PRKG1: variants seen among roughly 807,000 people sequenced by gnomAD.
PRKG1 encodes the protein cGMP-dependent protein kinase 1.
In PRKG1, 35 loss-of-function variants were observed where a neutral mutation model predicts 88.1. That is an observed-to-expected ratio of 0.40 (90% CI 0.30 to 0.53). PRKG1 has a LOEUF of 0.53. Ranked by LOEUF, PRKG1 falls within the 20% of genes least tolerant of loss-of-function variation. The probability of loss-of-function intolerance (pLI) is 0.59; values close to 1 mark genes in which losing one functional copy is unlikely to be tolerated. For synonymous variants in PRKG1, 303 were observed against 292.5 expected, an observed-to-expected ratio of 1.04 and a Z score of -0.37; for missense variants, 540 against 839.8, an observed-to-expected ratio of 0.64 and a Z score of 4.41.
rs1424581747 is a variant in PRKG1 at position 52,294,804 on chromosome 10, T to C, written c.*904T>C. ...ATTCCCTTTTATAAAAATAAATGCT[T>C]GGGGTAGGGTGGAGTGGGGAGGGAT... On this transcript the variant is annotated 3_prime_UTR_variant, in exon 18 of 18. Transcript: ENST00000373980. 5 of 152,438 alleles carry C rather than the reference T, an allele frequency of 3.3e-5. No individual in the cohort carries two copies. Among genetic ancestry groups the C allele is most frequent in the Non-Finnish European group, 7.4e-5 (5 of 67,976 alleles). The allele number at this position is 152,438 out of a possible 1,614,324, so 9.4% of individuals were successfully genotyped here.
At chr10:51,529,534 T>A (rs1841963375) in intron 3 of PRKG1, among the ~76,000 whole-genome samples, 2 of 152,160 alleles carry the variant, frequency 1.3e-5, no homozygotes, top group Admixed American at 6.5e-5. Flanking sequence ...TTCCAATCCT[T>A]GGTAATATAC....
intron 5 of PRKG1, among the ~76,000 whole-genome samples, chr10:52,051,051 C>CTGTTTTG (rs1564447831): frequency 1.3e-5 from 2 of 152,158 alleles, no homozygotes; most frequent in African/African-American, 2.4e-5. Flanking sequence ...TACAGGACAT[C>CTGTTTTG]TCCCTACAAT....
At chr10:51,311,133 C>T (rs1295122486) in intron 2 of PRKG1, among the ~76,000 whole-genome samples, 1 of 152,140 alleles carries the variant, frequency 6.6e-6, no homozygotes, top group Non-Finnish European at 1.5e-5. Context: ...GTTCAAAAGG[C>T]ACCTCCTCCA....
chr10:52,246,860 G>C (rs1364917877), intron 9 of PRKG1, among the ~76,000 whole-genome samples: 1 of 119,432 alleles, frequency 8.4e-6, no homozygotes, highest in African/African-American at 3.3e-5. Flanking sequence ...TGGGCAACAA[G>C]AGTGAAACAC....
chr10:52,184,136 T>C (rs982775846), intron 9 of PRKG1, among the ~76,000 whole-genome samples: 1 of 152,234 alleles, frequency 6.6e-6, no homozygotes, highest in Non-Finnish European at 1.5e-5. Flanking sequence ...CAATCTATAT[T>C]ATTTTATTTT....
chr10:52,173,428 G>T (rs557385120), intron 9 of PRKG1, among the ~76,000 whole-genome samples: 1 of 152,268 alleles, frequency 6.6e-6, no homozygotes, highest in East Asian at 1.9e-4. Flanking sequence ...ACTAGAAAAT[G>T]TTATACTAAT....
At chr10:52,114,397 A>G (rs10762567) in intron 7 of PRKG1, among the ~76,000 whole-genome samples, 70,516 of 151,786 alleles carry the variant, frequency 0.46, 16,820 homozygotes, top group Admixed American at 0.52. Flanking sequence ...GATAGTAGGT[A>G]TTCTAGACTT....
At chr10:52,198,926 T>A (rs1839584354) in intron 9 of PRKG1, among the ~76,000 whole-genome samples, 1 of 152,098 alleles carries the variant, frequency 6.6e-6, no homozygotes, top group African/African-American at 2.4e-5. Flanking sequence ...ATTAGGACCA[T>A]CTTTGGGGAA....
At chr10:51,272,091 C>G (rs1031192203) in intron 2 of PRKG1, among the ~76,000 whole-genome samples, 1 of 152,162 alleles carries the variant, frequency 6.6e-6, no homozygotes, top group African/African-American at 2.4e-5. Flanking sequence ...TGTTTCCTGA[C>G]TTTTTAATGA....
Position 52,294,460 on chromosome 10 carries a change from G to A in PRKG1, c.*560G>A, listed in dbSNP as rs532309522. 6.6e-6 allele frequency: 1 copy of A among 152,474 alleles called. No homozygotes were observed. Among genetic ancestry groups the A allele is most frequent in the Non-Finnish European group, 1.5e-5 (1 of 68,044 alleles). 9.4% of individuals were successfully genotyped at this position (152,474 alleles called of 1,614,324 possible). A position where few individuals can be genotyped will look rare whatever the true frequency, so the allele number is the denominator to read the frequency against. ...AGAAGTTTCATGATTTTATTTCCCA[G>A]CAGTGCTGATGACAAGACTGAATGT... On this transcript the variant is annotated 3_prime_UTR_variant, in exon 18 of 18. Coordinates refer to ENST00000373980, the MANE Select transcript of PRKG1 (RefSeq NM_006258.4).
At chr10:51,404,763 C>A (rs1396296037) in intron 2 of PRKG1, among the ~76,000 whole-genome samples, 1 of 152,166 alleles carries the variant, frequency 6.6e-6, no homozygotes, top group Non-Finnish European at 1.5e-5. Context: ...GGATGAGGGA[C>A]TTATTAATGT....
At chr10:50,996,063 A>C (rs1333096270) in intron 1 of PRKG1, among the ~76,000 whole-genome samples, 1 of 152,234 alleles carries the variant, frequency 6.6e-6, no homozygotes, top group African/African-American at 2.4e-5. Context: ...CTGGGTCCAG[A>C]GTCAATTATT....
intron 9 of PRKG1, among the ~76,000 whole-genome samples, chr10:52,185,279 C>T (rs565482956): frequency 1.3e-5 from 2 of 152,318 alleles, no homozygotes; most frequent in African/African-American, 4.8e-5. Context: ...ACAGGCCCCA[C>T]ATCAGTCCAA....
At chr10:51,598,921 C>G (rs970513060) in intron 3 of PRKG1, among the ~76,000 whole-genome samples, 1 of 151,994 alleles carries the variant, frequency 6.6e-6, no homozygotes, top group Non-Finnish European at 1.5e-5. Flanking sequence ...TGTAGGGGAG[C>G]ATGTGGGCAC....
chr10:51,997,035 T>C lies in PRKG1; in HGVS notation c.763-57449T>C, dbSNP rs1382672465. ...GCCTGGCACAGAAAAAAGTACCATA[T>C]GACTTCACTCAGATGTGGAACCTAA... On this transcript the variant is annotated intron_variant, in intron 5 of 17. Transcript: ENST00000373980. Among the ~76,000 whole-genome samples, 4 of 152,120 alleles carry C rather than the reference T, an allele frequency of 2.6e-5. No individual in the cohort carries two copies. In the East Asian group the frequency reaches 7.7e-4, roughly 29 times the overall value.
intron 2 of PRKG1, among the ~76,000 whole-genome samples, chr10:51,156,713 A>T (rs1564621024): frequency 6.6e-6 from 1 of 152,050 alleles, no homozygotes; most frequent in Non-Finnish European, 1.5e-5. Flanking sequence ...GCCTTATGTC[A>T]AAATAATTTA....
chr10:52,147,881 A>G (rs2132661361), intron 8 of PRKG1, among the ~76,000 whole-genome samples: 1 of 152,306 alleles, frequency 6.6e-6, no homozygotes, highest in Non-Finnish European at 1.5e-5. Flanking sequence ...AAGCTGGTTA[A>G]TACAGTTATG....
intron 4 of PRKG1, among the ~76,000 whole-genome samples, chr10:51,847,748 T>G (rs1050228256): frequency 6.9e-6 from 1 of 145,708 alleles, no homozygotes; most frequent in Non-Finnish European, 1.5e-5. Context: ...TGGTAGTGCA[T>G]GCCTGTAGTC....
rs1057496342 is a variant in PRKG1 at position 52,248,905 on chromosome 10, CTT to C, written c.1077-2662_1077-2661del. 3.4e-5 allele frequency among the ~76,000 whole-genome samples: 5 copies of C among 148,390 alleles called. No individual in the cohort carries two copies. The South Asian group carries it at 6.5e-4, about 19-fold the overall frequency. ...TCTTCTTTTCCTTCCTTTCCTTTCT[CTT>C]TTCTTTCCTTTCTTTTCTTTTCCTT... is the stretch of plus-strand genomic sequence containing the variant. On this transcript the variant is annotated intron_variant, in intron 9 of 17. Transcript: ENST00000373980.
Sources: allele counts gnomAD v4.1 joint callset (sites outside exome capture counted in the v4.1 genomes callset), GRCh38; gene constraint gnomAD v4.1.1; transcripts MANE v1.5; gene names NCBI Gene and HGNC (gene_info 2026-07-23, HGNC 2026-07-21).